The following TRIM61 variants were observed in gnomAD, a reference collection of about 807,000 sequenced individuals.
TRIM61 encodes the protein putative tripartite motif-containing protein 61.
TRIM61 carries 1 observed loss-of-function variant against 14.2 expected under a neutral mutation model. The observed-to-expected ratio is 0.07, with a 90% CI of 0.03 to 0.33. The LOEUF (loss-of-function observed/expected upper bound fraction) is 0.33, where lower values mean the gene tolerates loss of function less well. Ranked by LOEUF, TRIM61 falls within the 10% of genes least tolerant of loss-of-function variation. The probability of loss-of-function intolerance (pLI) is 0.99; values close to 1 mark genes in which losing one functional copy is unlikely to be tolerated. For missense variants in TRIM61, 19 were observed against 202.2 expected, an observed-to-expected ratio of 0.09 and a Z score of 5.49; for synonymous variants, 8 against 71.6, an observed-to-expected ratio of 0.11 and a Z score of 4.49.
Position 164,965,303 on chromosome 4 carries a change from C to T in TRIM61, c.525+4175G>A, listed in dbSNP as rs13112293. ...CCTCCATCTCAAAAAAAGACAAAAACAAAAAACTTAAATTGAAGCTTTACA... is the reference window on the plus strand; with the variant it reads ...CCTCCATCTCAAAAAAAGACAAAAATAAAAAACTTAAATTGAAGCTTTACA... On this transcript the variant is annotated intron_variant, in intron 3 of 4. Coordinates refer to ENST00000329314, the MANE Select transcript of TRIM61 (RefSeq NM_001012414.3). Among the ~76,000 whole-genome samples, 6 of 151,416 alleles carry T rather than the reference C, an allele frequency of 4.0e-5. No individual in the cohort carries two copies. The East Asian group carries it at 5.8e-4, about 15-fold the overall frequency.
rs182120119 is a variant in TRIM61 at position 164,963,493 on chromosome 4, G to A, written c.525+5985C>T. ...TGACAGGGCACGGTGGCTCACGCCT[G>A]TAATCCCAGCACTGCCAAGGCACGC... is the stretch of plus-strand genomic sequence containing the variant. On this transcript the variant is annotated intron_variant, in intron 3 of 4. Transcript: ENST00000329314. Among the ~76,000 whole-genome samples, 55 of 152,258 alleles carry A rather than the reference G, an allele frequency of 3.6e-4. 1 individual carries two copies. The East Asian group carries it at 7.9e-3, about 22-fold the overall frequency.
At chr4:164,973,821 GATGT>G (rs1327236276) in intron 2 of TRIM61, among the ~76,000 whole-genome samples, 2 of 152,152 alleles carry the variant, frequency 1.3e-5, no homozygotes, top group Non-Finnish European at 2.9e-5. Flanking sequence ...TATTATAGTT[GATGT>G]ATTATATGTA....
chr4:164,956,945 T>C, intron 3 of TRIM61: 1 of 1,371,658 alleles, frequency 7.3e-7, no homozygotes, highest in Non-Finnish European at 9.7e-7. Flanking sequence ...GCACCGTCTC[T>C]GGGCTTCGAC....
At position 164,968,520 on chromosome 4, in the gene TRIM61, T is replaced by A; in HGVS notation, c.525+958A>T. The A allele has an allele frequency of 3.0e-6, 3 of 985,528 alleles. No homozygotes were observed. The South Asian group carries it at 1.4e-4, about 46-fold the overall frequency. The allele number at this position is 985,528 out of a possible 1,614,324, so 61.0% of individuals were successfully genotyped here. A position where few individuals can be genotyped will look rare whatever the true frequency, so the allele number is the denominator to read the frequency against. On this transcript the variant is annotated intron_variant, in intron 3 of 4. Transcript: ENST00000329314. ...GGGAAAAACTGGACAAAATACAGAATAGCCAAAACTAGATTCACTGGCTCA... is the reference window on the plus strand; with the variant it reads ...GGGAAAAACTGGACAAAATACAGAAAAGCCAAAACTAGATTCACTGGCTCA...
intron 3 of TRIM61, chr4:164,957,702 GC>G (rs1560882162): frequency 6.3e-6 from 4 of 637,692 alleles, no homozygotes; most frequent in Non-Finnish European, 7.8e-6. Context: ...TGAATAAGAT[GC>G]AGTTCTGAAA....
chr4:164,975,557 C>G (rs1732463609), intron 2 of TRIM61, among the ~76,000 whole-genome samples: 1 of 152,162 alleles, frequency 6.6e-6, no homozygotes, highest in Non-Finnish European at 1.5e-5. Context: ...TGTATAAAAT[C>G]AAGGTTTAAG....
intron 2 of TRIM61, among the ~76,000 whole-genome samples, chr4:164,972,909 T>G (rs17045850): frequency 0.019 from 2,922 of 152,240 alleles, 76 homozygotes; most frequent in African/African-American, 0.061. Flanking sequence ...GGACAAAGTT[T>G]TTCACCCTTA....
intron 2 of TRIM61, among the ~76,000 whole-genome samples, chr4:164,974,227 G>T (rs552084652): frequency 6.6e-6 from 1 of 152,342 alleles, no homozygotes; most frequent in East Asian, 1.9e-4. Flanking sequence ...AAGGTTGCTA[G>T]TCCTGAAATG....
rs114687448 is a variant in TRIM61, at chr4:164,957,159, C to T, written c.526-2063G>A. The T allele has an allele frequency of 3.1e-3, 5,073 of 1,611,202 alleles. 150 individuals are homozygous for T. In the African/African-American group the frequency reaches 0.06, roughly 19 times the overall value. On this transcript the variant is annotated intron_variant, in intron 3 of 4. Transcript: ENST00000329314. ...AGGGCTTCGGGTCTCCCTAACAGAC[C>T]TTATACGCTGACCGGCGGCCGCCAT...
intron 2 of TRIM61, among the ~76,000 whole-genome samples, chr4:164,972,042 G>A (rs1272704553): frequency 1.3e-5 from 2 of 152,154 alleles, no homozygotes; most frequent in African/African-American, 2.4e-5. Flanking sequence ...AGTAGCCCTA[G>A]AAAGTCACCA....
chr4:164,956,904 G>T, intron 3 of TRIM61: 1 of 1,032,308 alleles, frequency 9.7e-7, no homozygotes, highest in Non-Finnish European at 1.4e-6. Flanking sequence ...AGCGGAAGTC[G>T]GAGCGGCAGA....
intron 3 of TRIM61, chr4:164,956,960 G>A: frequency 1.4e-6 from 2 of 1,421,394 alleles, no homozygotes; most frequent in Non-Finnish European, 1.9e-6. Flanking sequence ...TTCGACTTCC[G>A]GGTGAGACCG....
chr4:164,962,692 TAA>T (rs145808366), intron 3 of TRIM61, among the ~76,000 whole-genome samples: 5 of 139,756 alleles, frequency 3.6e-5, no homozygotes, highest in Admixed American at 7.1e-5. Context: ...CAAGAAATGT[TAA>T]AAAAAAAAAA....
intron 2 of TRIM61, among the ~76,000 whole-genome samples, chr4:164,973,801 T>C (rs1051570028): frequency 6.6e-6 from 1 of 152,356 alleles, no homozygotes; most frequent in East Asian, 1.9e-4. Context: ...CACATACTTC[T>C]ATTATAGCAT....
chr4:164,968,912 A>C (rs1197998604), intron 3 of TRIM61: 1 of 992,252 alleles, frequency 1.0e-6, no homozygotes, highest in Non-Finnish European at 1.2e-6. Context: ...ACAGACACCA[A>C]GAATCCATTC....
chr4:164,971,751 G>A (rs1007413481), intron 2 of TRIM61, among the ~76,000 whole-genome samples: 2 of 152,140 alleles, frequency 1.3e-5, no homozygotes, highest in African/African-American at 4.8e-5. Context: ...TTCCTGGCTT[G>A]CTTTCAAGAC....
chr4:164,973,081 C>A (rs1447036858), intron 2 of TRIM61, among the ~76,000 whole-genome samples: 1 of 152,192 alleles, frequency 6.6e-6, no homozygotes, highest in Non-Finnish European at 1.5e-5. Flanking sequence ...TTCCCTAGGA[C>A]TAAGTTTTGG....
intron 3 of TRIM61, chr4:164,957,146 C>A: frequency 6.2e-7 from 1 of 1,608,196 alleles, no homozygotes; most frequent in Non-Finnish European, 8.5e-7. Flanking sequence ...GGCTTCGGGT[C>A]TCCCTAACAG....
chr4:164,968,868 G>C (rs1732299104), intron 3 of TRIM61: 1 of 988,154 alleles, frequency 1.0e-6, no homozygotes, highest in South Asian at 4.7e-5. Flanking sequence ...ACTAAAATTG[G>C]TTGACTCTTC....
Sources: gnomAD v4.1 joint callset for allele counts (sites outside exome capture counted in the v4.1 genomes callset) on GRCh38, gnomAD v4.1.1 for gene constraint, MANE v1.5 for transcripts, NCBI Gene and HGNC (gene_info 2026-07-23, HGNC 2026-07-21) for gene names.